The following ANXA8 variants were observed in gnomAD, a reference collection of about 807,000 sequenced individuals.
ANXA8 encodes the protein VAC-beta.
ANXA8 carries 9 observed loss-of-function variants against 26.8 expected under a neutral mutation model. The observed-to-expected ratio is 0.34, with a 90% confidence interval of 0.20 to 0.59. The LOEUF (loss-of-function observed/expected upper bound fraction) is 0.59, where lower values mean the gene tolerates loss of function less well. Among genes scored for constraint, ANXA8 ranks in the 20% least tolerant of loss-of-function variants. ANXA8 has a pLI of 0.84. For synonymous variants in ANXA8, 39 were observed against 94.8 expected, an observed-to-expected ratio of 0.41 and a Z score of 3.42; for missense variants, 83 against 238.5, an observed-to-expected ratio of 0.35 and a Z score of 4.29.
the ANXA8 span, chr10:47,970,061 A>C: frequency 6.6e-6 from 1 of 151,486 alleles, no homozygotes; most frequent in Non-Finnish European, 1.5e-5. Flanking sequence ...AACTTCTTTA[A>C]TGGGAAGCTG....
chr10:47,969,256 AT>A, the ANXA8 span, among the ~76,000 whole-genome samples: 2 of 151,472 alleles, frequency 1.3e-5, no homozygotes, highest in Non-Finnish European at 3.0e-5. Context: ...GCATTAGAGA[AT>A]TGTTTCAGCT....
upstream of ANXA8, among the ~76,000 whole-genome samples, chr10:47,487,855 G>C (rs1310127507): frequency 1.4e-5 from 2 of 145,576 alleles, no homozygotes; most frequent in African/African-American, 2.5e-5. Context: ...TGATTTTTTT[G>C]TCATAGTTCT....
chr10:47,957,472 C>T, the ANXA8 span, among the ~76,000 whole-genome samples: 1 of 150,568 alleles, frequency 6.6e-6, no homozygotes, highest in Non-Finnish European at 1.5e-5. Flanking sequence ...CTCAGTCAGG[C>T]CCAGGCCTAG....
At chr10:47,501,821 T>C in the ANXA8 span, 9 of 567,730 alleles carry the variant, frequency 1.6e-5, no homozygotes, top group East Asian at 3.0e-4. Context: ...TCTAAATACA[T>C]AATACAGAAG....
chr10:47,678,722 A>C, the ANXA8 span, among the ~76,000 whole-genome samples: 4 of 151,770 alleles, frequency 2.6e-5, no homozygotes, highest in Non-Finnish European at 5.9e-5. Context: ...AAAGTGGGGA[A>C]AGGTAGAAGG....
the ANXA8 span, among the ~76,000 whole-genome samples, chr10:47,960,137 T>C: frequency 6.7e-6 from 1 of 148,818 alleles, no homozygotes; most frequent in Non-Finnish European, 1.5e-5. Context: ...TGACAAATTA[T>C]TGTTTTAAGC....
the ANXA8 span, chr10:47,710,129 T>G: frequency 1.9e-6 from 1 of 530,708 alleles, no homozygotes; most frequent in Non-Finnish European, 3.3e-6. Context: ...AATCATACTT[T>G]ACAACATAAA....
At chr10:47,565,796 C>G in the ANXA8 span, 21 of 1,064,578 alleles carry the variant, frequency 2.0e-5, no homozygotes, top group Admixed American at 4.2e-5. Flanking sequence ...CGGAACCCAA[C>G]GGCTGCAGCG....
chr10:47,485,420 T>G (rs1840016995), upstream of ANXA8, among the ~76,000 whole-genome samples: 1 of 151,838 alleles, frequency 6.6e-6, no homozygotes, highest in African/African-American at 2.4e-5. Flanking sequence ...TTGAAAGTCA[T>G]CAGGAACCAA....
the ANXA8 span, among the ~76,000 whole-genome samples, chr10:47,509,733 G>A: frequency 1.4e-5 from 2 of 141,814 alleles, no homozygotes; most frequent in East Asian, 3.2e-4. Flanking sequence ...TGTGGCCCAC[G>A]AGGTGCTCAT....
chr10:47,750,847 C>A, the ANXA8 span: 1 of 151,684 alleles, frequency 6.6e-6, no homozygotes, highest in Non-Finnish European at 1.5e-5. Context: ...TAAACCTGCA[C>A]ACACACACAA....
At chr10:47,474,533 G>T in intron 7 of ANXA8, 135 bp from the exon 8 acceptor site, 1 of 569,348 alleles carries the variant, frequency 1.8e-6, no homozygotes, top group South Asian at 2.0e-5. Flanking sequence ...CTGCTTGGTC[G>T]TCTCTGACAG....
At chr10:47,775,435 G>T in the ANXA8 span, among the ~76,000 whole-genome samples, 1 of 148,644 alleles carries the variant, frequency 6.7e-6, no homozygotes, top group South Asian at 2.2e-4. Flanking sequence ...CACTGTCCTT[G>T]TTCCTTAAAC....
chr10:47,607,984 A>G, the ANXA8 span, among the ~76,000 whole-genome samples: 1 of 145,914 alleles, frequency 6.9e-6, no homozygotes, highest in African/African-American at 2.7e-5. Flanking sequence ...TAGTTATTTT[A>G]TCTATTAAAT....
the ANXA8 span, among the ~76,000 whole-genome samples, chr10:47,519,549 G>T: frequency 4.2e-4 from 39 of 92,492 alleles, no homozygotes; most frequent in Non-Finnish European, 4.2e-5. Context: ...CTTCCCCTTT[G>T]CCTTTTATCA....
the ANXA8 span, among the ~76,000 whole-genome samples, chr10:47,708,690 C>CATCTTTA: frequency 6.6e-6 from 1 of 152,010 alleles, no homozygotes; most frequent in African/African-American, 2.4e-5. Context: ...TCTGTTCTTT[C>CATCTTTA]ATCTTTATAG....
At chr10:47,771,584 G>A in the ANXA8 span, among the ~76,000 whole-genome samples, 1 of 151,464 alleles carries the variant, frequency 6.6e-6, no homozygotes, top group Admixed American at 6.6e-5. Context: ...TTTTGTTGTT[G>A]TTGTTGTTGT....
At chr10:47,544,088 C>T in the ANXA8 span, among the ~76,000 whole-genome samples, 1 of 151,762 alleles carries the variant, frequency 6.6e-6, no homozygotes, top group African/African-American at 2.4e-5. Context: ...GCACGAAGGA[C>T]TCCAGCACCC....
At chr10:47,588,857 C>T in the ANXA8 span, 1 of 135,708 alleles carries the variant, frequency 7.4e-6, no homozygotes, top group African/African-American at 3.4e-5. Flanking sequence ...CTTCATTGCC[C>T]AGGCTGGAAT....
Sources: allele counts gnomAD v4.1 joint callset (sites outside exome capture counted in the v4.1 genomes callset), GRCh38; gene constraint gnomAD v4.1.1; transcripts MANE v1.5; gene names NCBI Gene and HGNC (gene_info 2026-07-23, HGNC 2026-07-21).